The following ENTPD1 variants were observed in gnomAD, a reference collection of about 807,000 sequenced individuals.
ENTPD1 encodes the protein ectonucleoside triphosphate diphosphohydrolase 1, also known as ATP diphosphohydrolase.
ENTPD1 carries 33 observed loss-of-function variants against 57.0 expected under a neutral mutation model. That is an observed-to-expected ratio of 0.58 (90% CI 0.44 to 0.77). ENTPD1 has a LOEUF of 0.77. Ranked by LOEUF, ENTPD1 falls within the 30% of genes least tolerant of loss-of-function variation. ENTPD1 has a pLI of 0.00. For synonymous variants in ENTPD1, 202 were observed against 218.8 expected, an observed-to-expected ratio of 0.92 and a Z score of 0.68; for missense variants, 501 against 603.4, an observed-to-expected ratio of 0.83 and a Z score of 1.78.
intron 1 of ENTPD1, among the ~76,000 whole-genome samples, chr10:95,744,357 C>T (rs1006809467): frequency 2.6e-5 from 4 of 151,962 alleles, no homozygotes; most frequent in African/African-American, 7.3e-5. Context: ...GACTTGGGGC[C>T]GAGAGTGGGG....
At chr10:95,786,272 A>G (rs1484903836) in intron 1 of ENTPD1, among the ~76,000 whole-genome samples, 1 of 152,150 alleles carries the variant, frequency 6.6e-6, no homozygotes, top group East Asian at 1.9e-4. Context: ...AGGACCACAC[A>G]GCTTCCTTTG....
At chr10:95,794,696 C>A (rs943402039) in intron 1 of ENTPD1, among the ~76,000 whole-genome samples, 3 of 151,998 alleles carry the variant, frequency 2.0e-5, no homozygotes, top group African/African-American at 7.3e-5. Context: ...GTGAAGGGTA[C>A]CAGTTAGTGT....
intron 3 of ENTPD1, among the ~76,000 whole-genome samples, chr10:95,840,625 C>A (rs543445448): frequency 6.6e-6 from 1 of 152,286 alleles, no homozygotes; most frequent in Non-Finnish European, 1.5e-5. Flanking sequence ...AGACAAGAAT[C>A]TAGGTCTCCT....
chr10:95,800,906 G>C (rs951611662), intron 1 of ENTPD1, among the ~76,000 whole-genome samples: 3 of 152,152 alleles, frequency 2.0e-5, no homozygotes, highest in Admixed American at 6.5e-5. Context: ...ACAGGGTCCT[G>C]AGGTGACATA....
chr10:95,849,746 C>T (rs1049836384), intron 7 of ENTPD1, among the ~76,000 whole-genome samples: 17 of 152,218 alleles, frequency 1.1e-4, no homozygotes, highest in African/African-American at 3.6e-4. Context: ...TAGTTGGCTG[C>T]AAACCCAAAT....
chr10:95,837,010 A>G (rs2098411446), intron 2 of ENTPD1, among the ~76,000 whole-genome samples: 1 of 152,252 alleles, frequency 6.6e-6, no homozygotes, highest in Admixed American at 6.5e-5. Flanking sequence ...TGTACTGTGT[A>G]CACAAGATGA....
chr10:95,751,434 T>C (rs981089187), upstream of ENTPD1, among the ~76,000 whole-genome samples: 5 of 152,116 alleles, frequency 3.3e-5, no homozygotes, highest in African/African-American at 9.7e-5. Flanking sequence ...TTATCTAATG[T>C]AGGGGTTGGG....
At chr10:95,750,167 C>T (rs1225072484) in intron 1 of ENTPD1, among the ~76,000 whole-genome samples, 1 of 152,186 alleles carries the variant, frequency 6.6e-6, no homozygotes, top group East Asian at 1.9e-4. Flanking sequence ...AACATGATAA[C>T]ACGAGTGGCA....
chr10:95,710,448 AATTTATCTAAATTATTGTTTACAAGC>A (rs1217543726), upstream of ENTPD1, among the ~76,000 whole-genome samples: 1 of 152,136 alleles, frequency 6.6e-6, no homozygotes, highest in Non-Finnish European at 1.5e-5. Flanking sequence ...ATAACTATGT[AATTTATCTAAATTATTGTTTACAAGC>A]ATTTATCTAA....
Position 95,866,319 on chromosome 10 carries a change from C to A in ENTPD1, c.1469C>A (p.Thr490Lys). Residue 490 changes from threonine (T) to lysine (K), a missense_variant, in exon 10 of 10, where the codon ACA becomes AAA. Physicochemically the swap from Thr to Lys is moderately conservative, Grantham distance 78 (BLOSUM62 -1). Transcript: ENST00000371205. ...GTTCTATTCTCCCTGGTCCTTTTCACAGTGGCCATCATAGGCTTGCTTATC... is the reference window on the plus strand; with the variant it reads ...GTTCTATTCTCCCTGGTCCTTTTCAAAGTGGCCATCATAGGCTTGCTTATC... ...LMVLFSLVLF[T>K]VAIIGLLIFH... The A allele has an allele frequency of 6.2e-7, 1 of 1,614,232 alleles. No homozygotes were observed. The highest frequency in any genetic ancestry group is 1.1e-5 in the South Asian group (1 of 91,088).
At chr10:95,735,482 A>G (rs914117922) in intron 1 of ENTPD1, among the ~76,000 whole-genome samples, 3 of 152,228 alleles carry the variant, frequency 2.0e-5, no homozygotes, top group African/African-American at 7.2e-5. Flanking sequence ...GCCAAAGCAG[A>G]TAAGTTATTT....
At chr10:95,807,331 A>G (rs1019529902) in intron 1 of ENTPD1, among the ~76,000 whole-genome samples, 2 of 152,220 alleles carry the variant, frequency 1.3e-5, no homozygotes, top group African/African-American at 4.8e-5. Flanking sequence ...ACGGGAGAGA[A>G]TCTCCTTGTC....
intron 1 of ENTPD1, among the ~76,000 whole-genome samples, chr10:95,743,666 G>T (rs2098002742): frequency 6.6e-6 from 1 of 151,830 alleles, no homozygotes; most frequent in Admixed American, 6.6e-5. Flanking sequence ...GATTATCTTT[G>T]AATATGGTTC....
intron 1 of ENTPD1, among the ~76,000 whole-genome samples, chr10:95,792,079 A>C (rs2098206527): frequency 6.6e-6 from 1 of 152,060 alleles, no homozygotes; most frequent in African/African-American, 2.4e-5. Flanking sequence ...GTTAAAAAAA[A>C]ACATCAAAAG....
chr10:95,843,145 A>G (rs572895205), intron 4 of ENTPD1: 1 of 152,410 alleles, frequency 6.6e-6, no homozygotes, highest in Non-Finnish European at 1.5e-5. Context: ...GGATCGGGGA[A>G]CAGCTTTATC....
chr10:95,867,285 G>T lies in ENTPD1; in HGVS notation c.*902G>T, dbSNP rs2098475557. ...AATACGTACAAATCAGTGACATTTA[G>T]TACATTCACAGTGTTGTGCCACCAT... On this transcript the variant is annotated 3_prime_UTR_variant, in exon 10 of 10. Coordinates refer to ENST00000371205, the MANE Select transcript of ENTPD1 (RefSeq NM_001776.6). 5.1e-6 allele frequency: 5 copies of T among 978,646 alleles called. No homozygotes were observed. The South Asian group carries it at 1.4e-4, about 28-fold the overall frequency. 60.6% of individuals were successfully genotyped at this position (978,646 alleles called of 1,614,324 possible).
At chr10:95,732,778 C>T (rs1226715830) in intron 1 of ENTPD1, among the ~76,000 whole-genome samples, 2 of 152,044 alleles carry the variant, frequency 1.3e-5, no homozygotes, top group Non-Finnish European at 2.9e-5. Context: ...ATGATGCCCC[C>T]CAAGCCGCAA....
chr10:95,794,505 C>T (rs991596581), intron 1 of ENTPD1, among the ~76,000 whole-genome samples: 1 of 152,122 alleles, frequency 6.6e-6, no homozygotes, highest in East Asian at 1.9e-4. Flanking sequence ...GGACCCCAGC[C>T]CCCGAGGGAT....
At chr10:95,793,356 G>GA (rs1589851993) in intron 1 of ENTPD1, among the ~76,000 whole-genome samples, 1 of 152,110 alleles carries the variant, frequency 6.6e-6, no homozygotes, top group Non-Finnish European at 1.5e-5. Flanking sequence ...ATAATGAAGG[G>GA]AAAATCCCCC....
Sources: gnomAD v4.1 joint callset for allele counts (sites outside exome capture counted in the v4.1 genomes callset) on GRCh38, gnomAD v4.1.1 for gene constraint, MANE v1.5 for transcripts, NCBI Gene and HGNC (gene_info 2026-07-23, HGNC 2026-07-21) for gene names.